The following SPOUT1 variants were observed in gnomAD, a reference collection of about 807,000 sequenced individuals.
SPOUT1 encodes the protein 28S rRNA (uridine-N(3))-methyltransferase.
In SPOUT1, 40 loss-of-function variants were observed where a neutral mutation model predicts 54.8. That is an observed-to-expected ratio of 0.73 (90% confidence interval 0.57 to 0.95). The LOEUF (loss-of-function observed/expected upper bound fraction) is 0.95. Ranked by LOEUF, SPOUT1 falls within the 40% of genes least tolerant of loss-of-function variation. SPOUT1 has a pLI of 0.00. For missense variants in SPOUT1, 437 were observed against 499.5 expected, an observed-to-expected ratio of 0.87 and a Z score of 1.19; for synonymous variants, 193 against 200.3, an observed-to-expected ratio of 0.96 and a Z score of 0.31.
rs751971745 is a variant in SPOUT1, at chr9:128,822,750, G to A, written c.*15C>T. The A allele has an allele frequency of 1.3e-5, 20 of 1,566,724 alleles. No individual in the cohort carries two copies. Among genetic ancestry groups the A allele is most frequent in the African/African-American group, 2.7e-5 (2 of 73,848 alleles). The stretch of plus-strand genomic sequence containing the variant: ...TCACTGCTGCTTCACTGATGTCCTC[G>A]GCCCCTTAGAACTTTCAGGTGTGCC... On this transcript the variant is annotated 3_prime_UTR_variant, in exon 12 of 12. Coordinates refer to ENST00000361256, the MANE Select transcript of SPOUT1 (RefSeq NM_016390.4).
Position 128,822,308 on chromosome 9 carries a change from G to A in SPOUT1, c.*457C>T. On this transcript the variant is annotated 3_prime_UTR_variant, in exon 12 of 12. Coordinates refer to ENST00000361256, the MANE Select transcript of SPOUT1 (RefSeq NM_016390.4). ...GTTCATCCAGGCCCCCTGCCCACGTGTGCCTGGGTCTGCCCACAGGACAGA... is the reference window on the plus strand; with the variant it reads ...GTTCATCCAGGCCCCCTGCCCACGTATGCCTGGGTCTGCCCACAGGACAGA... 1.2e-6 allele frequency: 2 copies of A among 1,607,654 alleles called. No individual in the cohort carries two copies. Among genetic ancestry groups the A allele is most frequent in the Non-Finnish European group, 8.5e-7 (1 of 1,176,024 alleles).
Position 128,826,954 on chromosome 9 carries a change from G to A in SPOUT1, c.368+78C>T. ...GGGAAGAGCCAGGCATGTGGACGGG[G>A]CCATGGTGAAGCCTCGGCCCATCCC... On this transcript the variant is annotated intron_variant, in intron 4 of 11. Transcript: ENST00000361256. This position sits in a 1 kb window ranked among gnomAD's most constrained non-coding sequence, Gnocchi z 5.5. 7.0e-7 allele frequency: 1 copy of A among 1,429,830 alleles called. No individual in the cohort carries two copies. Among genetic ancestry groups the A allele is most frequent in the African/African-American group, 1.4e-5 (1 of 71,568 alleles). The allele number at this position is 1,429,830 out of a possible 1,614,324, so 88.6% of individuals were successfully genotyped here.
chr9:128,826,481 C>T lies in SPOUT1; in HGVS notation c.459-48G>A, dbSNP rs1423117210. On this transcript the variant is annotated intron_variant, in intron 5 of 11. Transcript: ENST00000361256. The surrounding 1 kb of genome is among the most constrained non-coding windows in gnomAD (Gnocchi z 5.5). ...GGATGTTCCCAGGGGAAGCCGCCTC[C>T]TACCTGGTCTCCACTTTGACACACC... The T allele has an allele frequency of 1.9e-6, 3 of 1,610,740 alleles. No individual in the cohort carries two copies. Among genetic ancestry groups the T allele is most frequent in the African/African-American group, 1.3e-5 (1 of 74,908 alleles).
Position 128,820,818 on chromosome 9 carries a change from A to T in SPOUT1, c.*1947T>A. On this transcript the variant is annotated 3_prime_UTR_variant, in exon 12 of 12. Coordinates refer to ENST00000361256, the MANE Select transcript of SPOUT1 (RefSeq NM_016390.4). ...TTGACCCGCAGCTACCAAAACGTCT[A>T]TGTCTGCACAGGGCCACTCTTCCTG... 1 of 1,611,662 alleles carries T rather than the reference A, an allele frequency of 6.2e-7. No homozygotes were observed. Among genetic ancestry groups the T allele is most frequent in the East Asian group, 2.2e-5 (1 of 44,858 alleles).
intron 9 of SPOUT1, 46 bp from the exon 10 acceptor site, chr9:128,824,220 A>G: frequency 9.8e-7 from 1 of 1,018,574 alleles, no homozygotes; most frequent in Non-Finnish European, 1.5e-6. Flanking sequence ...CCCACAAGCC[A>G]TAGCTCCGGG....
In SPOUT1 at chr9:128,826,966, C is replaced by A; in HGVS notation, c.368+66G>T. Reference sequence around the variant, plus strand: ...GCATGTGGACGGGGCCATGGTGAAGCCTCGGCCCATCCCGGCAGCCCCTCC... The same window carrying A: ...GCATGTGGACGGGGCCATGGTGAAGACTCGGCCCATCCCGGCAGCCCCTCC... On this transcript the variant is annotated intron_variant, in intron 4 of 11. Coordinates refer to ENST00000361256, the MANE Select transcript of SPOUT1 (RefSeq NM_016390.4). The surrounding 1 kb of genome is among the most constrained non-coding windows in gnomAD (Gnocchi z 5.5). 1 of 1,523,468 alleles carries A rather than the reference C, an allele frequency of 6.6e-7. No individual in the cohort carries two copies. Among genetic ancestry groups the A allele is most frequent in the Non-Finnish European group, 9.0e-7 (1 of 1,110,680 alleles). 94.4% of individuals were successfully genotyped at this position (1,523,468 alleles called of 1,614,324 possible).
rs758275298 is a variant in SPOUT1, at chr9:128,820,881, C to G, written c.*1884G>C. On this transcript the variant is annotated 3_prime_UTR_variant, in exon 12 of 12. Transcript: ENST00000361256. ...GGAAACCAGGGGGGCGGCAGAACCT[C>G]CCACTCACCTGAGGCCCCTACTGCC... 1 of 1,564,380 alleles carries G rather than the reference C, an allele frequency of 6.4e-7. No individual in the cohort carries two copies. The highest frequency in any genetic ancestry group is 1.2e-5 in the South Asian group (1 of 86,486).
intron 3 of SPOUT1, among the ~76,000 whole-genome samples, chr9:128,828,324 C>G (rs1194774980): frequency 6.6e-6 from 1 of 152,076 alleles, no homozygotes; most frequent in Non-Finnish European, 1.5e-5. Context: ...GGTGCAACCA[C>G]GTCTCTACTA....
Position 128,823,889 on chromosome 9 carries a change from G to T in SPOUT1, c.920C>A (p.Ala307Asp), listed in dbSNP as rs907618776. 6.2e-7 allele frequency: 1 copy of T among 1,613,050 alleles called. No homozygotes were observed. The highest frequency in any genetic ancestry group is 2.2e-5 in the East Asian group (1 of 44,890). The stretch of plus-strand genomic sequence containing the variant: ...CTGGAGGCCCCCGAACACCACAAGA[G>T]CATGCCTGGCCCATGTAAGAGGGGG... Reference protein sequence around the residue: ...ASAQLPNFRHALVVFGGLQGL... With the variant: ...ASAQLPNFRHDLVVFGGLQGL... The change falls in exon 11 of 12, where the codon GCT becomes GAT. Residue 307 changes from alanine to aspartate, a missense_variant. Ala to Asp is a moderately radical substitution (Grantham distance 126, BLOSUM62 -2). Transcript: ENST00000361256.
chr9:128,826,391 CTG>C lies in SPOUT1; in HGVS notation c.499_500del (p.Gln167ValfsTer18), dbSNP rs752042602. On this transcript the variant is annotated frameshift_variant, in exon 6 of 12. Coordinates refer to ENST00000361256, the MANE Select transcript of SPOUT1 (RefSeq NM_016390.4). LOFTEE classifies it high-confidence loss of function. This position sits in a 1 kb window ranked among gnomAD's most constrained non-coding sequence, Gnocchi z 5.5. ...KAFFPKHQDL[Q>X]FAGLLNPLDS... is the part of the protein sequence containing the mutation. Reference sequence around the variant, plus strand: ...GGGCCCATACAGCGTTACCTGCAAACTGTAGATCCTGGTGCTTGGGGAAGAAC... The same window carrying C: ...GGGCCCATACAGCGTTACCTGCAAACTAGATCCTGGTGCTTGGGGAAGAAC... The C allele has an allele frequency of 1.2e-6, 2 of 1,614,064 alleles. No homozygotes were observed. The highest frequency in any genetic ancestry group is 1.7e-6 in the Non-Finnish European group (2 of 1,179,954).
Position 128,826,010 on chromosome 9 carries a change from T to G in SPOUT1, c.639+12A>C, listed in dbSNP as rs199591070. On this transcript the variant is annotated intron_variant, in intron 7 of 11. Transcript: ENST00000361256. The surrounding 1 kb of genome is among the most constrained non-coding windows in gnomAD (Gnocchi z 5.5). ...CCTGGAGGTGTGTCCTAGCCCATCT[T>G]TCTGTTCCTACCTTTTTCATGCCAC... 3.8e-5 allele frequency: 61 copies of G among 1,614,086 alleles called. No individual in the cohort carries two copies. The East Asian group carries it at 1.1e-3, about 29-fold the overall frequency.
At position 128,821,331 on chromosome 9, in the gene SPOUT1, C is replaced by T; in HGVS notation, c.*1434G>A. ...GCCTTCCCCATGCAGGTCCCCAGTG[C>T]ACCGAGCTCTCACGCCTTCCCCATG... On this transcript the variant is annotated 3_prime_UTR_variant, in exon 12 of 12. Transcript: ENST00000361256. 5.7e-6 allele frequency: 1 copy of T among 176,122 alleles called. No individual in the cohort carries two copies. Among genetic ancestry groups the T allele is most frequent in the South Asian group, 1.0e-4 (1 of 9,570 alleles). 10.9% of individuals were successfully genotyped at this position (176,122 alleles called of 1,614,324 possible).
rs1564436935 is a variant in SPOUT1, at chr9:128,828,842, T to C, written c.101A>G (p.Lys34Arg). The change falls in exon 3 of 12, where the codon AAA becomes AGA. Residue 34 changes from lysine (K) to arginine (R), a missense_variant. Transcript: ENST00000361256. ...WKQQKKEEKK[K>R]WKDLKLMKKL... ...TTTCATCAGCTTGAGATCCTTCCAT[T>C]TTTTTTTCTCCTCTTTCTCTGGATA... 2.5e-6 allele frequency: 4 copies of C among 1,613,944 alleles called. No homozygotes were observed. Among genetic ancestry groups the C allele is most frequent in the South Asian group, 1.1e-5 (1 of 91,080 alleles).
chr9:128,825,960 CTTGCCCTCCA>C, intron 7 of SPOUT1, 52 bp downstream of exon 7: 1 of 1,607,462 alleles, frequency 6.2e-7, no homozygotes, highest in Non-Finnish European at 8.5e-7. Flanking sequence ...CATCCATCTG[CTTGCCCTCCA>C]TTGCCAGGGT....
In SPOUT1 at chr9:128,826,465, CA is replaced by C. The variant is rs767886520; in HGVS notation, c.459-33del. 1 of 1,613,356 alleles carries C rather than the reference CA, an allele frequency of 6.2e-7. No homozygotes were observed. Among genetic ancestry groups the C allele is most frequent in the Non-Finnish European group, 8.5e-7 (1 of 1,179,408 alleles). On this transcript the variant is annotated intron_variant, in intron 5 of 11. Coordinates refer to ENST00000361256, the MANE Select transcript of SPOUT1 (RefSeq NM_016390.4). This position sits in a 1 kb window ranked among gnomAD's most constrained non-coding sequence, Gnocchi z 5.5. ...AAGAATGCTGACCTCAGGATGTTCC[CA>C]GGGGAAGCCGCCTCCTACCTGGTCT...
intron 9 of SPOUT1, among the ~76,000 whole-genome samples, 187 bp from the exon 10 acceptor site, chr9:128,824,361 G>A (rs1473349751): frequency 1.3e-5 from 2 of 151,762 alleles, no homozygotes; most frequent in African/African-American, 4.8e-5. Context: ...CATTGAGGCA[G>A]GGGTGTGTGT....
Position 128,824,977 on chromosome 9 carries a change from C to A in SPOUT1, c.712G>T (p.Asp238Tyr). ...TVRLNQQQHP[D>Y]CKTYHGKVVS... is the part of the protein sequence containing the mutation. ...AGGGGTTGGGGAACCTTCCAGATAC[C>A]TGGGTGCTGCTGCTGGTTCAGTCGC... The change falls in exon 8 of 12, where the codon GAC (aspartate) becomes TAC (tyrosine). Residue 238 changes from aspartate to tyrosine, a missense_variant and splice_region_variant. Asp to Tyr is a radical substitution (Grantham distance 160). Transcript: ENST00000361256. 1 of 1,597,984 alleles carries A rather than the reference C, an allele frequency of 6.3e-7. No homozygotes were observed. The highest frequency in any genetic ancestry group is 1.1e-5 in the South Asian group (1 of 89,354).
chr9:128,822,146 A>G lies in SPOUT1; in HGVS notation c.*619T>C. ...ATAAGGAAAACAGAGGGAAAGAGTTAACCACCCTGGAGAGAGTTCCAGCCT... is the reference window on the plus strand; with the variant it reads ...ATAAGGAAAACAGAGGGAAAGAGTTGACCACCCTGGAGAGAGTTCCAGCCT... On this transcript the variant is annotated 3_prime_UTR_variant, in exon 12 of 12. Coordinates refer to ENST00000361256, the MANE Select transcript of SPOUT1 (RefSeq NM_016390.4). 1 of 690,974 alleles carries G rather than the reference A, an allele frequency of 1.4e-6. No individual in the cohort carries two copies. The highest frequency in any genetic ancestry group is 2.4e-6 in the Non-Finnish European group (1 of 420,824). 42.8% of individuals were successfully genotyped at this position (690,974 alleles called of 1,614,324 possible).
rs1830252630 is a variant in SPOUT1 at position 128,826,929 on chromosome 9, G to A, written c.368+103C>T. ...AGGGAATATTTCAGGCAGGGCACGA[G>A]GGAAGAGCCAGGCATGTGGACGGGG... On this transcript the variant is annotated intron_variant, in intron 4 of 11. Coordinates refer to ENST00000361256, the MANE Select transcript of SPOUT1 (RefSeq NM_016390.4). The surrounding 1 kb of genome is among the most constrained non-coding windows in gnomAD (Gnocchi z 5.5). 2.4e-6 allele frequency: 3 copies of A among 1,232,168 alleles called. No homozygotes were observed. In the Admixed American group the frequency reaches 5.7e-5, roughly 24 times the overall value. 76.3% of individuals were successfully genotyped at this position (1,232,168 alleles called of 1,614,324 possible).
Sources: gnomAD v4.1 joint callset for allele counts (sites outside exome capture counted in the v4.1 genomes callset) on GRCh38, gnomAD v4.1.1 for gene constraint, Gnocchi (gnomAD v3.1) non-coding constraint, MANE v1.5 for transcripts, NCBI Gene and HGNC (gene_info 2026-07-23, HGNC 2026-07-21) for gene names.